The following CCNY variants were observed in gnomAD, a reference collection of about 807,000 sequenced individuals.
CCNY encodes the protein cyclin-Y.
CCNY carries 19 observed loss-of-function variants against 42.8 expected under a neutral mutation model. The ratio of observed to expected loss-of-function variants is 0.44; its 90% CI spans 0.31 to 0.65. The LOEUF (loss-of-function observed/expected upper bound fraction) is 0.65, where lower values mean the gene tolerates loss of function less well. CCNY is among the 30% of genes least tolerant of loss of function. The pLI is 0.07. For synonymous variants in CCNY, 165 were observed against 162.7 expected (o/e 1.01, Z -0.11); for missense variants, 370 against 437.3 (o/e 0.85, Z 1.37).
chr10:35,462,969 C>T (rs10827506), intron 1 of CCNY, among the ~76,000 whole-genome samples: 40,968 of 152,210 alleles, frequency 0.27, 5,909 homozygotes, highest in East Asian at 0.34. Context: ...ATGGTTGCAG[C>T]GGCACTTTTG....
At chr10:35,404,454 A>T (rs1455451459) in intron 1 of CCNY, among the ~76,000 whole-genome samples, 1 of 152,212 alleles carries the variant, frequency 6.6e-6, no homozygotes, top group East Asian at 1.9e-4. Flanking sequence ...CTATGGAGTC[A>T]TCTAGGTTTG....
chr10:35,275,637 C>T (rs1409703019), intron 3 of CCNY, among the ~76,000 whole-genome samples: 1 of 151,964 alleles, frequency 6.6e-6, no homozygotes, highest in African/African-American at 2.4e-5. Context: ...GTGGTGGGCA[C>T]CTATAATCCC....
At chr10:35,483,079 A>G (rs188484811) in intron 1 of CCNY, among the ~76,000 whole-genome samples, 1 of 151,856 alleles carries the variant, frequency 6.6e-6, no homozygotes, top group Non-Finnish European at 1.5e-5. Flanking sequence ...GTTGTAGCAC[A>G]TAACTCTCTT....
intron 1 of CCNY, among the ~76,000 whole-genome samples, chr10:35,462,507 A>G (rs920933528): frequency 3.3e-5 from 5 of 152,248 alleles, no homozygotes; most frequent in African/African-American, 1.2e-4. Context: ...CAGTGAGACC[A>G]TGCTGAGGCT....
intron 1 of CCNY, among the ~76,000 whole-genome samples, chr10:35,352,575 C>T (rs769032466): frequency 4.6e-5 from 7 of 152,266 alleles, no homozygotes; most frequent in Admixed American, 6.5e-5. Flanking sequence ...AGTAGGTCAA[C>T]AACCATTGGT....
chr10:35,266,184 T>A (rs2095725031), intron 3 of CCNY, among the ~76,000 whole-genome samples: 1 of 151,150 alleles, frequency 6.6e-6, no homozygotes, highest in African/African-American at 2.4e-5. Flanking sequence ...TTCAAGCAAT[T>A]CTCCTGTCTC....
chr10:35,391,304 T>C (rs1837408116), intron 1 of CCNY, among the ~76,000 whole-genome samples: 1 of 151,978 alleles, frequency 6.6e-6, no homozygotes, highest in African/African-American at 2.4e-5. Context: ...TTTAAAGAGG[T>C]CATGGGTATG....
chr10:35,498,579 C>CAGAG (rs1477127545), intron 2 of CCNY, among the ~76,000 whole-genome samples: 2 of 152,154 alleles, frequency 1.3e-5, no homozygotes, highest in African/African-American at 4.8e-5. Flanking sequence ...GGAGTTAGCC[C>CAGAG]AGAGAGGGTA....
intron 1 of CCNY, among the ~76,000 whole-genome samples, chr10:35,354,983 A>G (rs1417295363): frequency 6.6e-6 from 1 of 152,184 alleles, no homozygotes; most frequent in Non-Finnish European, 1.5e-5. Flanking sequence ...GAAAATGGCC[A>G]CCCCAGTGGT....
At chr10:35,286,901 C>T (rs1341519517) in intron 3 of CCNY, among the ~76,000 whole-genome samples, 2 of 152,068 alleles carry the variant, frequency 1.3e-5, no homozygotes, top group Admixed American at 6.6e-5. Flanking sequence ...CTCAAGTGAT[C>T]CACCTGCCTC....
intron 3 of CCNY, among the ~76,000 whole-genome samples, chr10:35,275,120 T>A (rs1288920546): frequency 7.2e-6 from 1 of 139,326 alleles, no homozygotes; most frequent in Non-Finnish European, 1.5e-5. Flanking sequence ...CTGGAGTGCA[T>A]TGGTGTGATC....
intron 3 of CCNY, among the ~76,000 whole-genome samples, chr10:35,329,223 A>G (rs560624502): frequency 6.6e-6 from 1 of 152,284 alleles, no homozygotes; most frequent in Non-Finnish European, 1.5e-5. Context: ...CTTTTATAGA[A>G]ATGAGCAGAT....
intron 1 of CCNY, among the ~76,000 whole-genome samples, chr10:35,437,936 AAT>A (rs1465169143): frequency 6.6e-6 from 1 of 152,158 alleles, no homozygotes; most frequent in African/African-American, 2.4e-5. Flanking sequence ...AAGGAATGAA[AAT>A]AGTGTACAGG....
intron 3 of CCNY, among the ~76,000 whole-genome samples, chr10:35,507,724 A>T (rs139854013): frequency 4.0e-5 from 6 of 151,632 alleles, no homozygotes; most frequent in African/African-American, 1.5e-4. Context: ...ATGTCCTTTA[A>T]TCTGGAGCAG....
upstream of CCNY, chr10:35,336,116 C>G (rs1405902449): frequency 2.0e-5 from 3 of 152,246 alleles, no homozygotes; most frequent in Non-Finnish European, 4.4e-5. Flanking sequence ...ACAAAAAGAG[C>G]CAGCCCGGTT....
chr10:35,301,365 G>A (rs1019058473), intron 3 of CCNY, among the ~76,000 whole-genome samples: 1 of 152,188 alleles, frequency 6.6e-6, no homozygotes, highest in African/African-American at 2.4e-5. Flanking sequence ...AGAGTTGTCT[G>A]AGAGACAGTG....
intron 1 of CCNY, among the ~76,000 whole-genome samples, chr10:35,396,354 T>C (rs1837525512): frequency 6.6e-6 from 1 of 152,198 alleles, no homozygotes; most frequent in South Asian, 2.1e-4. Context: ...CACCTCCCCA[T>C]CTGTGCTCTG....
chr10:35,277,677 C>T (rs1565061753), intron 3 of CCNY, among the ~76,000 whole-genome samples: 2 of 152,170 alleles, frequency 1.3e-5, no homozygotes, highest in African/African-American at 2.4e-5. Flanking sequence ...CAGTCTCTAG[C>T]ACCAGAGATA....
intron 8 of CCNY, among the ~76,000 whole-genome samples, chr10:35,558,271 A>G (rs1191131614): frequency 2.6e-5 from 4 of 152,202 alleles, no homozygotes; most frequent in Non-Finnish European, 1.5e-5. Flanking sequence ...TTTCCCTTCC[A>G]GGGTAGGAGA....
Sources: allele counts gnomAD v4.1 joint callset (sites outside exome capture counted in the v4.1 genomes callset), GRCh38; gene constraint gnomAD v4.1.1; transcripts MANE v1.5; gene names NCBI Gene and HGNC (gene_info 2026-07-23, HGNC 2026-07-21).